The following BMP1 variants were observed in gnomAD, a reference collection of about 807,000 sequenced individuals.
BMP1 encodes the protein mammalian tolloid protein.
BMP1 carries 63 observed loss-of-function variants against 116.8 expected under a neutral mutation model. The ratio of observed to expected loss-of-function variants is 0.54; its 90% confidence interval spans 0.44 to 0.67. The LOEUF is 0.67. BMP1 is among the 30% of genes least tolerant of loss of function. The pLI, the probability that BMP1 is intolerant of heterozygous loss-of-function variation, is 0.00. For synonymous variants in BMP1, 536 were observed against 533.4 expected, an observed-to-expected ratio of 1.00 and a Z score of -0.07; for missense variants, 1,183 against 1,358.9, an observed-to-expected ratio of 0.87 and a Z score of 2.04.
At chr8:22,192,388 CCTCCCT>C (rs1828960563) in intron 9 of BMP1, 2 of 433,350 alleles carry the variant, frequency 4.6e-6, no homozygotes, top group East Asian at 8.7e-5. Flanking sequence ...GACTTCTGGG[CCTCCCT>C]GTGAAGTTGG....
rs146182213 is a variant in BMP1, at chr8:22,194,769, G to A, written c.1489G>A (p.Asp497Asn). 286 of 1,613,438 alleles carry A rather than the reference G, an allele frequency of 1.8e-4. No individual in the cohort carries two copies. The highest frequency in any genetic ancestry group is 3.3e-4 in the East Asian group (15 of 44,872). ...TGCCTACGACTATCTGGAGGTGCGCGACGGGCACAGTGAGAGCAGCACCCT... is the reference window on the plus strand; with the variant it reads ...TGCCTACGACTATCTGGAGGTGCGCAACGGGCACAGTGAGAGCAGCACCCT... ...SCAYDYLEVR[D>N]GHSESSTLIG... The change falls in exon 12 of 20, where the codon GAC becomes AAC. Residue 497 changes from aspartate to asparagine, a missense_variant. By Grantham distance (23) the Asp-to-Asn change is conservative. Around this residue, in one of 4 missense-constraint regions of BMP1, gnomAD observed 956 missense variants for 1,135.2 expected, o/e 0.84. Coordinates refer to ENST00000306385, the MANE Select transcript of BMP1 (RefSeq NM_006129.5). The surrounding 1 kb of genome is among the most constrained non-coding windows in gnomAD (Gnocchi z 4.5).
chr8:22,207,017 G>T, intron 17 of BMP1, 36 bp downstream of exon 17: 1 of 1,610,504 alleles, frequency 6.2e-7, no homozygotes, highest in South Asian at 1.1e-5. Flanking sequence ...ATGCGGTGTG[G>T]CTGCCCCCGG....
At chr8:22,180,259 C>A in intron 7 of BMP1, 109 bp from the exon 8 acceptor site, 1 of 860,028 alleles carries the variant, frequency 1.2e-6, no homozygotes, top group Non-Finnish European at 1.9e-6. Flanking sequence ...TCCCACTCCT[C>A]AGGCATTCTC....
At chr8:22,196,354 G>A (rs529272938) in intron 13 of BMP1, 73 of 586,246 alleles carry the variant, frequency 1.2e-4, no homozygotes, top group East Asian at 2.2e-4. Context: ...TCCCAGGACC[G>A]CCCCTCCCTG....
intron 16 of BMP1, among the ~76,000 whole-genome samples, chr8:22,204,060 C>T (rs1429897569): frequency 6.6e-6 from 1 of 152,154 alleles, no homozygotes; most frequent in Non-Finnish European, 1.5e-5. Flanking sequence ...ATGGAGGACC[C>T]AGCACTATGC....
intron 15 of BMP1, chr8:22,199,383 G>A (rs769339158): frequency 7.8e-7 from 1 of 1,286,732 alleles, no homozygotes; most frequent in Non-Finnish European, 1.0e-6. Flanking sequence ...TTTGGGCACT[G>A]TAGGGTGAGT....
At chr8:22,201,007 CT>C in intron 15 of BMP1, 1 of 489,682 alleles carries the variant, frequency 2.0e-6, no homozygotes, top group South Asian at 1.9e-5. Context: ...CACCCTGCCC[CT>C]CAGATCCACC....
chr8:22,194,546 G>A lies in BMP1; in HGVS notation c.1399G>A (p.Val467Met). The stretch of plus-strand genomic sequence containing the variant: ...CAAAGTCTGCATCTGGCGGATCCAG[G>A]TGTCTGAGGGCTTCCACGTGGGCCT... ...PSKVCIWRIQ[V>M]SEGFHVGLTF... is the part of the protein sequence containing the mutation. The change falls in exon 11 of 20, where the codon GTG becomes ATG. Residue 467 changes from valine to methionine, a missense_variant. Physicochemically the swap from Val to Met is conservative, Grantham distance 21 (BLOSUM62 1). Transcript: ENST00000306385. The surrounding 1 kb of genome is among the most constrained non-coding windows in gnomAD (Gnocchi z 4.5). 1 of 1,614,208 alleles carries A rather than the reference G, an allele frequency of 6.2e-7. No homozygotes were observed. The highest frequency in any genetic ancestry group is 1.7e-5 in the Admixed American group (1 of 60,026).
chr8:22,206,869 A>T lies in BMP1; in HGVS notation c.2249A>T (p.Lys750Met). 1 of 1,614,136 alleles carries T rather than the reference A, an allele frequency of 6.2e-7. No individual in the cohort carries two copies. Among genetic ancestry groups the T allele is most frequent in the Non-Finnish European group, 8.5e-7 (1 of 1,179,986 alleles). The change falls in exon 17 of 20, where the codon AAG (lysine) becomes ATG (methionine). Residue 750 changes from lysine to methionine, a missense_variant. Physicochemically the swap from Lys to Met is moderately conservative, Grantham distance 95 (BLOSUM62 -1). Transcript: ENST00000306385. Reference sequence around the variant, plus strand: ...TTCCCTGCAGCCGGCTGTGACCACAAGGTGACATCCACCAGTGGTACCATC... The same window carrying T: ...TTCCCTGCAGCCGGCTGTGACCACATGGTGACATCCACCAGTGGTACCATC... ...HDCKEAGCDH[K>M]VTSTSGTITS...
chr8:22,167,027 T>C (rs1261246722), intron 1 of BMP1, among the ~76,000 whole-genome samples: 1 of 152,204 alleles, frequency 6.6e-6, no homozygotes, highest in East Asian at 1.9e-4. Context: ...CCCATAGAGT[T>C]GGTGGTAAGG....
At chr8:22,191,431 A>T (rs1160102403) in intron 8 of BMP1, among the ~76,000 whole-genome samples, 1 of 152,108 alleles carries the variant, frequency 6.6e-6, no homozygotes, top group Non-Finnish European at 1.5e-5. Flanking sequence ...CCTGCCCAGA[A>T]TCAGTACTCA....
chr8:22,202,097 C>T (rs990499133), intron 16 of BMP1, among the ~76,000 whole-genome samples, 169 bp downstream of exon 16: 3 of 152,228 alleles, frequency 2.0e-5, no homozygotes, highest in African/African-American at 7.2e-5. Flanking sequence ...CCCGCAGTGT[C>T]GGAGCCACAC....
chr8:22,198,005 C>T (rs549912980), intron 15 of BMP1, among the ~76,000 whole-genome samples: 1 of 151,936 alleles, frequency 6.6e-6, no homozygotes, highest in Admixed American at 6.6e-5. Context: ...GACAACATAG[C>T]GAGACCCCAT....
At chr8:22,181,580 T>A (rs1828622886) in intron 8 of BMP1, among the ~76,000 whole-genome samples, 1 of 150,586 alleles carries the variant, frequency 6.6e-6, no homozygotes, top group East Asian at 2.0e-4. Context: ...TGAGACAGAA[T>A]CTCACTTTTT....
intron 5 of BMP1, chr8:22,177,554 C>G (rs750843715): frequency 8.2e-6 from 6 of 735,288 alleles, no homozygotes; most frequent in Non-Finnish European, 2.5e-6. Flanking sequence ...CCCGCCTCCT[C>G]CCTCTCTCCC....
intron 2 of BMP1, among the ~76,000 whole-genome samples, chr8:22,175,704 G>A (rs923604169): frequency 7.9e-5 from 12 of 152,140 alleles, no homozygotes; most frequent in African/African-American, 2.2e-4. Context: ...CCTAGCACAC[G>A]TATGTTCTCT....
intron 8 of BMP1, among the ~76,000 whole-genome samples, chr8:22,191,128 G>C (rs1036729579): frequency 6.6e-6 from 1 of 152,202 alleles, no homozygotes; most frequent in Admixed American, 6.5e-5. Context: ...CGTTTCCTGA[G>C]CTTGGAGCCT....
chr8:22,211,738 G>A lies in BMP1; in HGVS notation c.*10G>A. On this transcript the variant is annotated 3_prime_UTR_variant, in exon 20 of 20. Coordinates refer to ENST00000306385, the MANE Select transcript of BMP1 (RefSeq NM_006129.5). Reference sequence around the variant, plus strand: ...CCACAGCAGGAAGTGACCACTGCCTGAGCAGGGGCGGGGACTGGAGCCTGC... The same window carrying A: ...CCACAGCAGGAAGTGACCACTGCCTAAGCAGGGGCGGGGACTGGAGCCTGC... 1 of 1,613,982 alleles carries A rather than the reference G, an allele frequency of 6.2e-7. No individual in the cohort carries two copies. Among genetic ancestry groups the A allele is most frequent in the Non-Finnish European group, 8.5e-7 (1 of 1,179,934 alleles).
chr8:22,177,599 T>C, intron 5 of BMP1: 2 of 752,684 alleles, frequency 2.7e-6, no homozygotes, highest in Admixed American at 1.7e-5. Context: ...CCTTCTCAGC[T>C]GTGGCTCTAG....
Sources: allele counts gnomAD v4.1 joint callset (sites outside exome capture counted in the v4.1 genomes callset), GRCh38; gene constraint gnomAD v4.1.1; regional missense constraint gnomAD v4.1.1; non-coding constraint Gnocchi (gnomAD v3.1); transcripts MANE v1.5; gene names NCBI Gene and HGNC (gene_info 2026-07-23, HGNC 2026-07-21).